Variants in ARID4B observed in about 807,000 individuals in gnomAD.
The protein encoded by ARID4B is AT-rich interaction domain 4B.
Under a neutral mutation model 147.5 loss-of-function variants are expected in ARID4B, and 26 were observed. The observed-to-expected ratio is 0.18, with a 90% CI of 0.13 to 0.24. ARID4B has a LOEUF of 0.24. Among genes scored for constraint, ARID4B ranks in the 10% least tolerant of loss-of-function variants. ARID4B has a pLI of 1.00. For synonymous variants in ARID4B, 512 were observed against 507.9 expected, an observed-to-expected ratio of 1.01 and a Z score of -0.11; for missense variants, 1,179 against 1,511.5, an observed-to-expected ratio of 0.78 and a Z score of 3.65.
chr1:235,236,836 A>ATATATATATATATATATATATATGTGTG (rs1558233414), intron 8 of ARID4B, among the ~76,000 whole-genome samples: 2 of 24,792 alleles, frequency 8.1e-5, no homozygotes, highest in Admixed American at 1.4e-3. Flanking sequence ...TATAAAAAAT[A>ATATATATATATATATATATATATGTGTG]TATATATATA....
At chr1:235,290,890 G>A (rs1672291664) in intron 2 of ARID4B, among the ~76,000 whole-genome samples, 1 of 152,204 alleles carries the variant, frequency 6.6e-6, no homozygotes, top group Non-Finnish European at 1.5e-5. Flanking sequence ...GAGAGGAGGT[G>A]TTCAAGAACA....
intron 11 of ARID4B, among the ~76,000 whole-genome samples, chr1:235,225,976 G>C (rs2103036413): frequency 6.6e-6 from 1 of 152,200 alleles, no homozygotes; most frequent in East Asian, 1.9e-4. Flanking sequence ...TCAGGTTTTG[G>C]TAAGGTGATC....
At chr1:235,184,152 T>G in intron 19 of ARID4B, among the ~76,000 whole-genome samples, 1 of 152,178 alleles carries the variant, frequency 6.6e-6, no homozygotes, top group Non-Finnish European at 1.5e-5. Flanking sequence ...TTTTAAAGAA[T>G]AGATATAATT....
In ARID4B at chr1:235,327,880, G is replaced by C. The variant is rs1278045432; in HGVS notation, c.-161C>G. The C allele has an allele frequency of 6.5e-6, 1 of 152,758 alleles. No individual in the cohort carries two copies. Among genetic ancestry groups the C allele is most frequent in the Non-Finnish European group, 1.5e-5 (1 of 68,464 alleles). 9.5% of individuals were successfully genotyped at this position (152,758 alleles called of 1,614,324 possible). A position where few individuals can be genotyped will look rare whatever the true frequency, so the allele number is the denominator to read the frequency against. On this transcript the variant is annotated 5_prime_UTR_variant, in exon 1 of 24. Transcript: ENST00000264183. ...ATGGGGAAGAAGGGCGGCGGGTCCA[G>C]CGGCTGCTGAGGCAGAGGCTCCGGC... is the stretch of plus-strand genomic sequence containing the variant.
chr1:235,232,514 G>T (rs958963151), intron 9 of ARID4B, among the ~76,000 whole-genome samples: 3 of 151,622 alleles, frequency 2.0e-5, no homozygotes, highest in African/African-American at 7.3e-5. Flanking sequence ...GCCAAAGTGG[G>T]CAGATCACTT....
chr1:235,304,596 T>G (rs1363621281), intron 2 of ARID4B, among the ~76,000 whole-genome samples: 1 of 152,160 alleles, frequency 6.6e-6, no homozygotes, highest in Non-Finnish European at 1.5e-5. Context: ...ACTCATCTGT[T>G]TTTCCACCAT....
intron 6 of ARID4B, among the ~76,000 whole-genome samples, chr1:235,251,219 T>TAA (rs71172281): frequency 2.8e-5 from 4 of 141,066 alleles, no homozygotes; most frequent in Non-Finnish European, 6.2e-5. Flanking sequence ...TGAGAAAAGT[T>TAA]AAAAAAAAAA....
intron 2 of ARID4B, among the ~76,000 whole-genome samples, chr1:235,282,654 A>G (rs1671732829): frequency 6.6e-6 from 1 of 152,238 alleles, no homozygotes; most frequent in Non-Finnish European, 1.5e-5. Flanking sequence ...GACCCAAAAA[A>G]GTTTAAGAAC....
chr1:235,252,610 G>A, intron 6 of ARID4B, 120 bp downstream of exon 6: 1 of 700,492 alleles, frequency 1.4e-6, no homozygotes, highest in Non-Finnish European at 2.4e-6. Flanking sequence ...CATCATAAGG[G>A]TATTGTGTAT....
chr1:235,276,182 A>T (rs1671300806), intron 2 of ARID4B, among the ~76,000 whole-genome samples: 1 of 149,258 alleles, frequency 6.7e-6, no homozygotes, highest in Non-Finnish European at 1.5e-5. Flanking sequence ...AAATGTGAAC[A>T]TACGAAGCAA....
At chr1:235,187,071 CTTATTCTTT>C in intron 19 of ARID4B, 1 of 361,412 alleles carries the variant, frequency 2.8e-6, no homozygotes, top group Non-Finnish European at 5.2e-6. Flanking sequence ...TTCACTGCAT[CTTATTCTTT>C]TTTTTTTTTT....
At chr1:235,274,879 T>C (rs1671218041) in intron 2 of ARID4B, among the ~76,000 whole-genome samples, 1 of 152,206 alleles carries the variant, frequency 6.6e-6, no homozygotes, top group Non-Finnish European at 1.5e-5. Context: ...TATATATAAA[T>C]GTTAAGTCTG....
intron 9 of ARID4B, among the ~76,000 whole-genome samples, chr1:235,232,549 T>C (rs1215328452): frequency 6.9e-6 from 1 of 144,050 alleles, no homozygotes; most frequent in Admixed American, 7.1e-5. Flanking sequence ...AAGACCAGCC[T>C]GGGCAACATG....
intron 12 of ARID4B, 24 bp downstream of exon 12, chr1:235,224,679 T>G: frequency 6.8e-7 from 1 of 1,479,944 alleles, no homozygotes; most frequent in African/African-American, 1.4e-5. Context: ...CTTACCACGT[T>G]AATGATAAAT....
intron 17 of ARID4B, among the ~76,000 whole-genome samples, chr1:235,209,556 G>A (rs1170985897): frequency 6.8e-6 from 1 of 147,036 alleles, no homozygotes; most frequent in Non-Finnish European, 1.5e-5. Context: ...TGATTTTTTT[G>A]TTTTTTGTTT....
At position 235,327,035 on chromosome 1, in the gene ARID4B, G is replaced by A. The variant is rs915208728; in HGVS notation, c.-49-67C>T. ...CCCCTCTGCACTGGCGGAGGCGGAG[G>A]GAAAGAAGCGAGCGACGTCCGAACC... is the stretch of plus-strand genomic sequence containing the variant. On this transcript the variant is annotated intron_variant, in intron 1 of 23. Coordinates refer to ENST00000264183, the MANE Select transcript of ARID4B (RefSeq NM_016374.6). The A allele has an allele frequency of 1.3e-5, 15 of 1,140,030 alleles. No homozygotes were observed. The African/African-American group carries it at 1.4e-4, about 11-fold the overall frequency. The allele number at this position is 1,140,030 out of a possible 1,614,324, so 70.6% of individuals were successfully genotyped here.
chr1:235,271,726 A>G (rs1378874043), intron 2 of ARID4B, among the ~76,000 whole-genome samples: 2 of 152,246 alleles, frequency 1.3e-5, no homozygotes, highest in African/African-American at 4.8e-5. Context: ...AGGTGGGCAG[A>G]TCACCTGAGG....
At chr1:235,248,269 C>T (rs905535157) in intron 6 of ARID4B, among the ~76,000 whole-genome samples, 18 of 152,128 alleles carry the variant, frequency 1.2e-4, no homozygotes, top group East Asian at 3.9e-4. Flanking sequence ...AGGCTGGTCT[C>T]GAACTCCTGG....
chr1:235,178,337 A>G (rs1289102001), intron 20 of ARID4B, among the ~76,000 whole-genome samples: 1 of 152,152 alleles, frequency 6.6e-6, no homozygotes, highest in Non-Finnish European at 1.5e-5. Context: ...TCATATTAAT[A>G]TAATTTTTAA....
Sources: gnomAD v4.1 joint callset for allele counts (sites outside exome capture counted in the v4.1 genomes callset) on GRCh38, gnomAD v4.1.1 for gene constraint, MANE v1.5 for transcripts, NCBI Gene and HGNC (gene_info 2026-07-23, HGNC 2026-07-21) for gene names.